Variants in HDAC4 observed in about 807,000 individuals in gnomAD.
The protein encoded by HDAC4 is histone deacetylase 4.
Under a neutral mutation model 135.1 loss-of-function variants are expected in HDAC4, and 16 were observed. The ratio of observed to expected loss-of-function variants is 0.12; its 90% CI spans 0.08 to 0.18. HDAC4 has a LOEUF of 0.18. Ranked by LOEUF, HDAC4 falls within the 10% of genes least tolerant of loss-of-function variation. The pLI, the probability that HDAC4 is intolerant of heterozygous loss-of-function variation, is 1.00. For synonymous variants in HDAC4, 685 were observed against 653.4 expected (o/e 1.05, Z -0.74); for missense variants, 1,143 against 1,511.8 (o/e 0.76, Z 4.05).
At chr2:239,364,514 C>G (rs1451272098) in intron 1 of HDAC4, among the ~76,000 whole-genome samples, 1 of 152,130 alleles carries the variant, frequency 6.6e-6, no homozygotes, top group Non-Finnish European at 1.5e-5. Flanking sequence ...GACAGGTTCC[C>G]CTGGGAGGGG....
At chr2:239,179,285 C>T (rs2043984385) in intron 4 of HDAC4, among the ~76,000 whole-genome samples, 2 of 152,212 alleles carry the variant, frequency 1.3e-5, no homozygotes, top group African/African-American at 4.8e-5. Flanking sequence ...ACAGGGGTCC[C>T]CACCTCCGGC....
At chr2:239,109,609 TAA>T (rs10543545) in intron 14 of HDAC4, among the ~76,000 whole-genome samples, 61,611 of 145,344 alleles carry the variant, frequency 0.42, 13,875 homozygotes, top group South Asian at 0.7. Flanking sequence ...GGACTTCTGG[TAA>T]AAAAAAAAAA....
At chr2:239,066,962 C>A (rs371036563) in intron 23 of HDAC4, 107 bp from the exon 24 acceptor site, 2 of 1,372,614 alleles carry the variant, frequency 1.5e-6, no homozygotes, top group South Asian at 2.5e-5. Flanking sequence ...GCTGGGGTGT[C>A]GAGACACATG....
At position 239,309,774 on chromosome 2, in the gene HDAC4, G is replaced by A. The variant is rs1198945985; in HGVS notation, c.22+42904C>T. ...TCCCCTTCCCCTTCGCTCATCTGGGGAAGCTGTGAGGACTGGTGTTGATAA... is the reference window on the plus strand; with the variant it reads ...TCCCCTTCCCCTTCGCTCATCTGGGAAAGCTGTGAGGACTGGTGTTGATAA... On this transcript the variant is annotated intron_variant, in intron 2 of 26. Transcript: ENST00000543185. The surrounding 1 kb of genome is among the most constrained non-coding windows in gnomAD (Gnocchi z 4.2). Among the ~76,000 whole-genome samples, 1 of 152,216 alleles carries A rather than the reference G, an allele frequency of 6.6e-6. No individual in the cohort carries two copies. The highest frequency in any genetic ancestry group is 6.5e-5 in the Admixed American group (1 of 15,288).
At chr2:239,154,329 CTG>C (rs2042291000) in intron 7 of HDAC4, among the ~76,000 whole-genome samples, 1 of 152,146 alleles carries the variant, frequency 6.6e-6, no homozygotes, top group African/African-American at 2.4e-5. Context: ...AGAGGAGACT[CTG>C]GGGATGGGTG....
chr2:239,087,337 T>C, intron 19 of HDAC4, among the ~76,000 whole-genome samples: 1 of 152,312 alleles, frequency 6.6e-6, no homozygotes, highest in South Asian at 2.1e-4. Context: ...TTCCCATCCT[T>C]TCCTCTGATC....
chr2:239,070,059 G>A (rs1279204043), intron 22 of HDAC4, among the ~76,000 whole-genome samples: 1 of 143,910 alleles, frequency 6.9e-6, no homozygotes, highest in Non-Finnish European at 1.5e-5. Context: ...AGCTCCACTC[G>A]CCCCATCAGG....
At chr2:239,366,328 G>A (rs751079213) in intron 1 of HDAC4, among the ~76,000 whole-genome samples, 20 of 152,206 alleles carry the variant, frequency 1.3e-4, no homozygotes, top group Admixed American at 8.5e-4. Flanking sequence ...ACAGATGAAC[G>A]CACAAGAATA....
chr2:239,242,139 A>T (rs1053237967), intron 2 of HDAC4, among the ~76,000 whole-genome samples: 17 of 151,164 alleles, frequency 1.1e-4, no homozygotes, highest in African/African-American at 3.9e-4. Context: ...AGAAAGAGAA[A>T]GAAAGAAAGA....
chr2:239,352,635 A>C lies in HDAC4; in HGVS notation c.22+43T>G. The C allele has an allele frequency of 9.0e-6, 14 of 1,547,692 alleles. No homozygotes were observed. Among genetic ancestry groups the C allele is most frequent in the Non-Finnish European group, 1.2e-5 (14 of 1,143,162 alleles). ...ACAAGAACTTCTACTTTGGGCAAAG[A>C]AAGCCCCGCTGTGTGCCCAGAGAAG... On this transcript the variant is annotated intron_variant, in intron 2 of 26. Coordinates refer to ENST00000543185, the MANE Select transcript of HDAC4 (RefSeq NM_001378414.1). This position sits in a 1 kb window ranked among gnomAD's most constrained non-coding sequence, Gnocchi z 4.4.
chr2:239,359,254 C>T (rs568082092), intron 1 of HDAC4, among the ~76,000 whole-genome samples: 6 of 152,228 alleles, frequency 3.9e-5, no homozygotes, highest in Admixed American at 6.5e-5. Context: ...CACGCTGCGT[C>T]GGTACCTCCT....
chr2:239,089,783 C>G, intron 18 of HDAC4: 2 of 526,336 alleles, frequency 3.8e-6, no homozygotes, highest in East Asian at 6.2e-5. Context: ...GTTCTTAAGA[C>G]CCAAATCATT....
chr2:239,351,252 A>ATAAACACTGCT (rs1693134201), intron 2 of HDAC4, among the ~76,000 whole-genome samples: 1 of 152,236 alleles, frequency 6.6e-6, no homozygotes, highest in African/African-American at 2.4e-5. Flanking sequence ...TGGAATTGGT[A>ATAAACACTGCT]TAAACACTGC....
intron 12 of HDAC4, among the ~76,000 whole-genome samples, chr2:239,121,134 T>G (rs2039650812): frequency 6.6e-6 from 1 of 151,998 alleles, no homozygotes; most frequent in Non-Finnish European, 1.5e-5. Context: ...CCTGGCTAAT[T>G]TTTGTAGAGA....
intron 3 of HDAC4, among the ~76,000 whole-genome samples, chr2:239,201,570 G>A (rs1397882713): frequency 6.6e-6 from 1 of 152,132 alleles, no homozygotes; most frequent in African/African-American, 2.4e-5. Flanking sequence ...TTCCTAAAAA[G>A]CTCCTGGGGC....
chr2:239,130,154 C>T (rs187486463), intron 11 of HDAC4, among the ~76,000 whole-genome samples: 11 of 152,308 alleles, frequency 7.2e-5, no homozygotes, highest in Admixed American at 3.9e-4. Context: ...TTTGCAATCC[C>T]GGCCGCCCAA....
chr2:239,053,129 C>T lies in HDAC4; in HGVS notation c.3238G>A (p.Glu1080Lys), dbSNP rs755271168. 6.2e-7 allele frequency: 1 copy of T among 1,614,192 alleles called. No individual in the cohort carries two copies. Among genetic ancestry groups the T allele is most frequent in the Non-Finnish European group, 8.5e-7 (1 of 1,180,010 alleles). ...GVKPAEKRPD[E>K]EPMEEEPPL ...GGCGGCTCCTCTTCCATGGGCTCCT[C>T]ATCTGGTCTGTGGATCCCGCAAGAG... The change falls in exon 27 of 27, where the codon GAG becomes AAG. Residue 1080 changes from glutamate to lysine, a missense_variant. This residue lies in a region of HDAC4 where 131 missense variants were observed against 130.6 expected (regional missense o/e 1.00). Transcript: ENST00000543185.
At chr2:239,125,624 C>A (rs1335336617) in intron 12 of HDAC4, among the ~76,000 whole-genome samples, 1 of 152,204 alleles carries the variant, frequency 6.6e-6, no homozygotes, top group Non-Finnish European at 1.5e-5. Context: ...CTGTGTCCAA[C>A]CTTTTGAGGA....
chr2:239,343,867 A>ATC (rs1692454739), intron 2 of HDAC4, among the ~76,000 whole-genome samples: 2 of 142,038 alleles, frequency 1.4e-5, no homozygotes, highest in Admixed American at 1.3e-4. Context: ...TAAGCACTCG[A>ATC]TAGCAGTAAC....
Sources: gnomAD v4.1 joint callset for allele counts (sites outside exome capture counted in the v4.1 genomes callset) on GRCh38, gnomAD v4.1.1 for gene constraint, gnomAD v4.1.1 regional missense constraint, Gnocchi (gnomAD v3.1) non-coding constraint, MANE v1.5 for transcripts, NCBI Gene and HGNC (gene_info 2026-07-23, HGNC 2026-07-21) for gene names.